Variants in SYT1 observed in about 807,000 individuals in gnomAD.
SYT1 encodes the protein synaptotagmin 1, also known as synaptotagmin-1.
A neutral mutation model predicts 44.8 loss-of-function variants in SYT1; 8 were observed. That is an observed-to-expected ratio of 0.18 (90% CI 0.10 to 0.32). The LOEUF is 0.32. Ranked by LOEUF, SYT1 falls within the 10% of genes least tolerant of loss-of-function variation. The pLI is 1.00. For missense variants in SYT1, 286 were observed against 509.3 expected (o/e 0.56, Z 4.22); for synonymous variants, 154 against 188.8 (o/e 0.82, Z 1.51).
chr12:79,315,556 A>G (rs73352912), intron 8 of SYT1, among the ~76,000 whole-genome samples: 1,614 of 152,266 alleles, frequency 0.011, 30 homozygotes, highest in African/African-American at 0.037. Flanking sequence ...ACATCAAAGC[A>G]TGATGCTCCA....
intron 4 of SYT1, among the ~76,000 whole-genome samples, chr12:79,228,873 T>G (rs970334164): frequency 1.2e-4 from 18 of 151,612 alleles, no homozygotes; most frequent in African/African-American, 2.7e-4. Context: ...ATTGTTGGGG[T>G]TTTTTTTGCC....
chr12:78,917,420 T>G (rs1457958163), intron 1 of SYT1, among the ~76,000 whole-genome samples: 2 of 151,846 alleles, frequency 1.3e-5, no homozygotes, highest in South Asian at 4.2e-4. Flanking sequence ...ATGAGAGCAC[T>G]TGGACACAAG....
chr12:78,986,718 T>C (rs1869665860), intron 2 of SYT1, among the ~76,000 whole-genome samples: 1 of 152,040 alleles, frequency 6.6e-6, no homozygotes, highest in South Asian at 2.1e-4. Context: ...ATTTATTTGA[T>C]ATGTATGTTG....
intron 4 of SYT1, among the ~76,000 whole-genome samples, chr12:79,226,595 A>G (rs2138598925): frequency 6.6e-6 from 1 of 152,268 alleles, no homozygotes; most frequent in Admixed American, 6.5e-5. Context: ...CCTTGATTTA[A>G]CAGGAAGAAA....
At chr12:79,262,019 C>A (rs530016094) in intron 4 of SYT1, among the ~76,000 whole-genome samples, 2 of 152,206 alleles carry the variant, frequency 1.3e-5, no homozygotes, top group South Asian at 4.1e-4. Flanking sequence ...GCCAAAATAA[C>A]TGCTCTATGA....
At chr12:79,056,275 G>T (rs1240884966) in intron 3 of SYT1, among the ~76,000 whole-genome samples, 1 of 152,050 alleles carries the variant, frequency 6.6e-6, no homozygotes, top group African/African-American at 2.4e-5. Context: ...GAAAAGTCTG[G>T]TTGGAAATCT....
intron 10 of SYT1, among the ~76,000 whole-genome samples, chr12:79,448,471 C>CAAAT (rs1870856120): frequency 6.6e-6 from 1 of 152,070 alleles, no homozygotes; most frequent in African/African-American, 2.4e-5. Flanking sequence ...GAATTGTAAT[C>CAAAT]AAATAGAGTG....
At position 79,327,965 on chromosome 12, in the gene SYT1, G is replaced by A. The variant is rs372976583; in HGVS notation, c.811-25537G>A. Among the ~76,000 whole-genome samples the A allele has an allele frequency of 2.6e-4, 40 of 152,222 alleles. No homozygotes were observed. The South Asian group carries it at 8.3e-3, about 32-fold the overall frequency. On this transcript the variant is annotated intron_variant, in intron 8 of 10. Coordinates refer to ENST00000261205, the MANE Select transcript of SYT1 (RefSeq NM_005639.3). ...GGGTAAGCCAGAAAAAATAAATAAG[G>A]GTAATATTTTAGGGCCTTGAAGGTG...
At chr12:79,367,893 C>CT (rs1039633013) in intron 9 of SYT1, among the ~76,000 whole-genome samples, 6 of 151,152 alleles carry the variant, frequency 4.0e-5, no homozygotes, top group African/African-American at 9.7e-5. Context: ...GAGATGATAC[C>CT]TTTTTTTAAA....
intron 2 of SYT1, among the ~76,000 whole-genome samples, chr12:78,992,469 G>GA (rs1266945815): frequency 2.6e-5 from 4 of 152,102 alleles, no homozygotes; most frequent in African/African-American, 9.6e-5. Flanking sequence ...AAATAGAATA[G>GA]AAAAAAATAA....
intron 8 of SYT1, among the ~76,000 whole-genome samples, chr12:79,333,394 T>A (rs1050271579): frequency 2.6e-5 from 4 of 152,130 alleles, no homozygotes; most frequent in Non-Finnish European, 5.9e-5. Context: ...TGGCCTCACC[T>A]CCTAATACCA....
chr12:79,203,895 A>G (rs763170399), intron 3 of SYT1, among the ~76,000 whole-genome samples: 9 of 152,246 alleles, frequency 5.9e-5, no homozygotes, highest in Non-Finnish European at 1.3e-4. Context: ...ATCCCCAGCC[A>G]TTCAAATAGT....
intron 4 of SYT1, among the ~76,000 whole-genome samples, chr12:79,257,335 C>T (rs1877577229): frequency 1.3e-5 from 2 of 152,188 alleles, no homozygotes; most frequent in African/African-American, 2.4e-5. Flanking sequence ...ATATGTTTGT[C>T]GCACAGCTAA....
At chr12:79,433,061 T>TG (rs1869892284) in intron 9 of SYT1, among the ~76,000 whole-genome samples, 2 of 152,218 alleles carry the variant, frequency 1.3e-5, no homozygotes, top group Non-Finnish European at 2.9e-5. Context: ...GTGATTTTTT[T>TG]CACTTTTTAG....
intron 1 of SYT1, among the ~76,000 whole-genome samples, chr12:78,892,267 C>T (rs75320026): frequency 0.019 from 2,849 of 151,822 alleles, 110 homozygotes; most frequent in East Asian, 0.17. Context: ...AACATGAAAA[C>T]AACCTACCTA....
At chr12:79,350,578 T>C (rs1882856781) in intron 8 of SYT1, among the ~76,000 whole-genome samples, 1 of 152,118 alleles carries the variant, frequency 6.6e-6, no homozygotes, top group South Asian at 2.1e-4. Flanking sequence ...TTGCTCTTGT[T>C]TCACATAAAC....
intron 3 of SYT1, among the ~76,000 whole-genome samples, chr12:79,209,395 C>T (rs191776367): frequency 6.6e-6 from 1 of 152,236 alleles, no homozygotes; most frequent in Non-Finnish European, 1.5e-5. Flanking sequence ...TGCTCTCAAT[C>T]AGAGGTAGTT....
intron 4 of SYT1, among the ~76,000 whole-genome samples, chr12:79,230,321 CAT>C (rs1392327111): frequency 6.6e-6 from 1 of 152,038 alleles, no homozygotes; most frequent in Admixed American, 6.5e-5. Flanking sequence ...TTTAGTATTA[CAT>C]AGTTTCAAGC....
chr12:79,070,108 G>A (rs751778766), intron 3 of SYT1, among the ~76,000 whole-genome samples: 4 of 151,964 alleles, frequency 2.6e-5, no homozygotes, highest in Non-Finnish European at 4.4e-5. Flanking sequence ...CTTTGAAGGC[G>A]GTTTATCAAG....
Sources: gnomAD v4.1 joint callset for allele counts (sites outside exome capture counted in the v4.1 genomes callset) on GRCh38, gnomAD v4.1.1 for gene constraint, MANE v1.5 for transcripts, NCBI Gene and HGNC (gene_info 2026-07-23, HGNC 2026-07-21) for gene names.